The following MCPH1 variants were observed in gnomAD, a reference collection of about 807,000 sequenced individuals.
MCPH1 encodes microcephalin 1, also known as microcephalin.
A neutral mutation model predicts 84.5 loss-of-function variants in MCPH1; 104 were observed. The ratio of observed to expected loss-of-function variants is 1.23; its 90% CI spans 1.05 to 1.45. MCPH1 has a LOEUF of 1.45. Ranked by LOEUF, MCPH1 falls within the 40% of genes most tolerant of loss-of-function variation. MCPH1 has a pLI of 0.00. For synonymous variants in MCPH1, 514 were observed against 366.8 expected (o/e 1.40, Z -4.58); for missense variants, 1,498 against 1,005.7 (o/e 1.49, Z -6.62).
chr8:6,625,878 G>A (rs745889127), intron 13 of MCPH1: 42 of 985,286 alleles, frequency 4.3e-5, no homozygotes, highest in Admixed American at 1.2e-4. Flanking sequence ...CTCACAGGGG[G>A]TGGAGAACCA....
At chr8:6,578,519 T>G (rs1461574341) in intron 12 of MCPH1, among the ~76,000 whole-genome samples, 5 of 152,308 alleles carry the variant, frequency 3.3e-5, no homozygotes, top group African/African-American at 9.6e-5. Flanking sequence ...ACTTGATCAT[T>G]TTCTAAACAT....
At chr8:6,412,458 G>A (rs1798670399) in intron 2 of MCPH1, among the ~76,000 whole-genome samples, 1 of 152,218 alleles carries the variant, frequency 6.6e-6, no homozygotes, top group Admixed American at 6.5e-5. Flanking sequence ...AACATCGTAA[G>A]ATTTGGATAT....
At chr8:6,606,650 A>G (rs1829801215) in intron 12 of MCPH1, among the ~76,000 whole-genome samples, 1 of 152,206 alleles carries the variant, frequency 6.6e-6, no homozygotes, top group Non-Finnish European at 1.5e-5. Flanking sequence ...GAGAAGGTGT[A>G]TGTGAGAAGG....
At chr8:6,562,816 G>C in intron 12 of MCPH1, 1 of 1,613,494 alleles carries the variant, frequency 6.2e-7, no homozygotes, top group Non-Finnish European at 8.5e-7. Context: ...GTAGCTGCAG[G>C]ACCCATGCTG....
intron 9 of MCPH1, among the ~76,000 whole-genome samples, chr8:6,465,580 C>A (rs1469396550): frequency 6.6e-6 from 1 of 152,144 alleles, no homozygotes. Flanking sequence ...GAAATGCTCC[C>A]CGGGTCCTCA....
rs201721894 is a variant in MCPH1 at position 6,436,047 on chromosome 8, G to C, written c.322-1G>C. ...TTAATTTTTGTGTTCTTTTTGCACA[G>C]CGTAAATGTATGCAGCCCAAAGATT... On this transcript the variant is annotated splice_acceptor_variant, in intron 4 of 13. Transcript: ENST00000344683. LOFTEE classifies it high-confidence loss of function. 83 of 1,613,316 alleles carry C rather than the reference G, an allele frequency of 5.1e-5. No individual in the cohort carries two copies. Among genetic ancestry groups the C allele is most frequent in the Non-Finnish European group, 6.8e-5 (80 of 1,179,674 alleles).
chr8:6,637,970 T>C (rs1193499592), intron 13 of MCPH1, among the ~76,000 whole-genome samples: 4 of 152,180 alleles, frequency 2.6e-5, no homozygotes, highest in African/African-American at 7.2e-5. Context: ...TGGCACCTAG[T>C]CTTGTGTTCT....
chr8:6,619,618 C>G (rs1294324026), intron 12 of MCPH1, among the ~76,000 whole-genome samples: 2 of 146,986 alleles, frequency 1.4e-5, no homozygotes, highest in African/African-American at 5.1e-5. Flanking sequence ...GAGTGTTGCT[C>G]TTATTGCCCA....
intron 9 of MCPH1, among the ~76,000 whole-genome samples, chr8:6,457,883 G>A (rs1295661070): frequency 3.3e-5 from 5 of 152,086 alleles, no homozygotes; most frequent in Non-Finnish European, 5.9e-5. Context: ...CCCTAGGGTA[G>A]TGCTTCCTGA....
chr8:6,643,025 T>C lies in MCPH1; in HGVS notation c.2484T>C (p.Pro828=). Residue 828 remains proline, a synonymous_variant, in exon 14 of 14, where the codon CCT becomes CCC. Coordinates refer to ENST00000344683, the MANE Select transcript of MCPH1 (RefSeq NM_024596.5). ...TCACCCAGCACAAGGTCTGTGCCCCTGAAAACTACCTATTGTCACAATGAC... is the reference window on the plus strand; with the variant it reads ...TCACCCAGCACAAGGTCTGTGCCCCCGAAAACTACCTATTGTCACAATGAC... ...DSITQHKVCA[P]ENYLLSQ is the part of the protein sequence containing the mutation. The C allele has an allele frequency of 6.2e-7, 1 of 1,614,144 alleles. No homozygotes were observed. The highest frequency in any genetic ancestry group is 8.5e-7 in the Non-Finnish European group (1 of 1,179,980).
intron 8 of MCPH1, among the ~76,000 whole-genome samples, chr8:6,450,239 CAGAA>C (rs571733779): frequency 2.0e-5 from 3 of 152,036 alleles, no homozygotes; most frequent in East Asian, 1.9e-4. Flanking sequence ...AGGCAAGTAT[CAGAA>C]AGACATTTAT....
At chr8:6,446,806 TG>T (rs770253670) in intron 8 of MCPH1, 42 of 985,338 alleles carry the variant, frequency 4.3e-5, no homozygotes, top group Non-Finnish European at 4.9e-5. Flanking sequence ...CAGTGTGGCA[TG>T]GCCTAAAATC....
intron 12 of MCPH1, chr8:6,521,048 T>C (rs752856400): frequency 9.2e-6 from 6 of 649,890 alleles, no homozygotes; most frequent in African/African-American, 9.1e-5. Context: ...TTCATTTTAA[T>C]TGGTAGATAT....
chr8:6,475,455 G>A (rs900071782), intron 9 of MCPH1, among the ~76,000 whole-genome samples: 1 of 152,222 alleles, frequency 6.6e-6, no homozygotes, highest in Non-Finnish European at 1.5e-5. Flanking sequence ...GGTGCTCAGA[G>A]CCTGCCCTTG....
At chr8:6,409,778 G>T (rs1051472323) in intron 2 of MCPH1, among the ~76,000 whole-genome samples, 4 of 152,128 alleles carry the variant, frequency 2.6e-5, no homozygotes, top group African/African-American at 7.2e-5. Flanking sequence ...TGATCTAGGG[G>T]GTCAGGACCA....
Position 6,643,026 on chromosome 8 carries a change from G to A in MCPH1, c.2485G>A (p.Glu829Lys), listed in dbSNP as rs1297611338. 6.2e-7 allele frequency: 1 copy of A among 1,614,062 alleles called. No homozygotes were observed. The highest frequency in any genetic ancestry group is 8.5e-7 in the Non-Finnish European group (1 of 1,179,968). ...CACCCAGCACAAGGTCTGTGCCCCT[G>A]AAAACTACCTATTGTCACAATGACA... ...SITQHKVCAPENYLLSQ is the reference protein window; with the variant it reads ...SITQHKVCAPKNYLLSQ Residue 829 changes from glutamate (E) to lysine (K), a missense_variant, in exon 14 of 14, where the codon GAA (glutamate) becomes AAA (lysine). By Grantham distance (56) the Glu-to-Lys change is moderately conservative. Transcript: ENST00000344683.
At position 6,642,998 on chromosome 8, in the gene MCPH1, C is replaced by T; in HGVS notation, c.2457C>T (p.Ser819=). 1 of 1,613,998 alleles carries T rather than the reference C, an allele frequency of 6.2e-7. No homozygotes were observed. The highest frequency in any genetic ancestry group is 8.5e-7 in the Non-Finnish European group (1 of 1,179,914). Residue 819 remains serine (S), a synonymous_variant, in exon 14 of 14, where the codon TCC becomes TCT. Transcript: ENST00000344683. ...KYLSEKWVLD[S]ITQHKVCAPE... is the part of the protein sequence containing the mutation. The stretch of plus-strand genomic sequence containing the variant: ...TGCTTTTCGCTCTCTCTCTAGATTC[C>T]ATCACCCAGCACAAGGTCTGTGCCC...
intron 12 of MCPH1, among the ~76,000 whole-genome samples, chr8:6,596,006 C>T (rs1445457105): frequency 6.6e-6 from 1 of 152,222 alleles, no homozygotes. Flanking sequence ...GAGACAGTCT[C>T]TTTCTTTTTA....
chr8:6,583,005 G>A (rs1257516835), intron 12 of MCPH1, among the ~76,000 whole-genome samples: 4 of 152,070 alleles, frequency 2.6e-5, no homozygotes, highest in African/African-American at 4.8e-5. Flanking sequence ...GCACATAGTC[G>A]GCGGTGAGGT....
Sources: allele counts gnomAD v4.1 joint callset (sites outside exome capture counted in the v4.1 genomes callset), GRCh38; gene constraint gnomAD v4.1.1; transcripts MANE v1.5; gene names NCBI Gene and HGNC (gene_info 2026-07-23, HGNC 2026-07-21).